Variants in BAIAP2 observed in about 807,000 individuals in gnomAD.
BAIAP2 encodes the protein BAR/IMD domain-containing adapter protein 2.
Under a neutral mutation model 63.0 loss-of-function variants are expected in BAIAP2, and 18 were observed. The ratio of observed to expected loss-of-function variants is 0.29; its 90% CI spans 0.20 to 0.42. The LOEUF (loss-of-function observed/expected upper bound fraction) is 0.42, where lower values mean the gene tolerates loss of function less well. Among genes scored for constraint, BAIAP2 ranks in the 10% least tolerant of loss-of-function variants. The pLI is 1.00. For missense variants in BAIAP2, 610 were observed against 734.3 expected (o/e 0.83, Z 1.96); for synonymous variants, 386 against 307.6 (o/e 1.25, Z -2.67).
intron 1 of BAIAP2, among the ~76,000 whole-genome samples, chr17:81,039,063 G>A (rs982526668): frequency 1.3e-5 from 2 of 152,254 alleles, no homozygotes; most frequent in Admixed American, 1.3e-4. Context: ...GCACCATCTT[G>A]CCGCAGGGTG....
intron 3 of BAIAP2, among the ~76,000 whole-genome samples, chr17:81,077,635 A>C (rs762612290): frequency 6.6e-6 from 1 of 152,004 alleles, no homozygotes; most frequent in Non-Finnish European, 1.5e-5. Context: ...AAAAGAGCCT[A>C]ATGCTGGGAG....
chr17:81,074,368 G>C (rs562556800), intron 3 of BAIAP2, among the ~76,000 whole-genome samples: 13 of 151,544 alleles, frequency 8.6e-5, no homozygotes, highest in African/African-American at 2.4e-4. Context: ...ATGTGTCACT[G>C]TGTGTGCGTG....
intron 13 of BAIAP2, chr17:81,110,811 G>T (rs968021643): frequency 1.4e-6 from 2 of 1,467,330 alleles, no homozygotes; most frequent in African/African-American, 2.8e-5. Context: ...AGTGCTCCAG[G>T]GTTCTAGGTC....
intron 13 of BAIAP2, among the ~76,000 whole-genome samples, chr17:81,111,667 T>A (rs1185106403): frequency 1.3e-5 from 2 of 152,314 alleles, no homozygotes; most frequent in African/African-American, 4.8e-5. Context: ...CGGGTCTGAG[T>A]CCATTTCCTC....
chr17:81,055,645 A>G (rs972501076), intron 2 of BAIAP2, among the ~76,000 whole-genome samples: 5 of 143,344 alleles, frequency 3.5e-5, no homozygotes, highest in African/African-American at 5.2e-5. Flanking sequence ...GGCTCCCTGC[A>G]AACTCTGCCT....
At chr17:81,036,296 T>C (rs780314757) in intron 1 of BAIAP2, among the ~76,000 whole-genome samples, 2 of 152,234 alleles carry the variant, frequency 1.3e-5, no homozygotes, top group East Asian at 1.9e-4. Flanking sequence ...ATGTGCTTTG[T>C]TTCAAAACTG....
Position 81,038,190 on chromosome 17 carries a change from C to T in BAIAP2, c.54+2882C>T, listed in dbSNP as rs113294961. On this transcript the variant is annotated intron_variant, in intron 1 of 13. Transcript: ENST00000428708. ...AGGGATGGAGTGCTGGAATCTGCCT[C>T]CCCCGGTGGCCTTTGGAATTAAGGC... Among the ~76,000 whole-genome samples, 896 of 152,358 alleles carry T rather than the reference C, an allele frequency of 5.9e-3. 4 individuals carry two copies. The highest frequency in any genetic ancestry group is 9.2e-3 in the Non-Finnish European group (625 of 68,036).
chr17:81,112,630 C>G (rs1055455623), intron 13 of BAIAP2, among the ~76,000 whole-genome samples: 1 of 152,208 alleles, frequency 6.6e-6, no homozygotes, highest in Non-Finnish European at 1.5e-5. Context: ...ACAGCTGACG[C>G]GAGAAGACAG....
chr17:81,051,722 C>G (rs12941406), intron 1 of BAIAP2, among the ~76,000 whole-genome samples: 1 of 152,078 alleles, frequency 6.6e-6, no homozygotes, highest in South Asian at 2.1e-4. Context: ...CAGGGTCTCA[C>G]TCTGTCACCC....
At chr17:81,049,655 G>C (rs2048359114) in intron 1 of BAIAP2, among the ~76,000 whole-genome samples, 1 of 152,222 alleles carries the variant, frequency 6.6e-6, no homozygotes, top group African/African-American at 2.4e-5. Context: ...AGCCACGTCG[G>C]TGTGGCTGAG....
chr17:81,087,178 G>A (rs2055815986), intron 6 of BAIAP2, among the ~76,000 whole-genome samples: 1 of 151,878 alleles, frequency 6.6e-6, no homozygotes, highest in African/African-American at 2.4e-5. Flanking sequence ...AGAAGAGAAA[G>A]AAACACAAAA....
At chr17:81,051,379 CT>C (rs570438379) in intron 1 of BAIAP2, among the ~76,000 whole-genome samples, 3 of 152,116 alleles carry the variant, frequency 2.0e-5, no homozygotes, top group South Asian at 4.1e-4. Flanking sequence ...GGGATCTTCT[CT>C]TTTGTTTGTT....
At chr17:81,111,063 T>C (rs976131754) in intron 13 of BAIAP2, 77 of 1,408,306 alleles carry the variant, frequency 5.5e-5, no homozygotes, top group Non-Finnish European at 7.4e-5. Flanking sequence ...CCCGGCTGCA[T>C]GGCGGGGCCA....
At chr17:81,109,969 C>T (rs2059707077) in intron 13 of BAIAP2, 4 of 985,470 alleles carry the variant, frequency 4.1e-6, no homozygotes, top group Non-Finnish European at 4.8e-6. Flanking sequence ...CAGGCGGTTC[C>T]TGCCCGGTTC....
Position 81,104,593 on chromosome 17 carries a change from C to T in BAIAP2, c.1146C>T (p.Ile382=). Residue 382 remains isoleucine (I), a synonymous_variant, in exon 10 of 14, where the codon ATC becomes ATT. Transcript: ENST00000428708. ...ATGGCCGTATGCGGGTGAAGGCCAT[C>T]TTCTCCCACGCTGCTGGGGACAACA... The part of the protein sequence containing the change: ...ERNGRMRVKA[I]FSHAAGDNST... 2 of 1,612,354 alleles carry T rather than the reference C, an allele frequency of 1.2e-6. No homozygotes were observed. Among genetic ancestry groups the T allele is most frequent in the East Asian group, 2.2e-5 (1 of 44,880 alleles).
chr17:81,106,596 G>A (rs893479493), intron 11 of BAIAP2, 149 bp from the exon 12 acceptor site: 1 of 885,944 alleles, frequency 1.1e-6, no homozygotes, highest in Non-Finnish European at 1.7e-6. Context: ...CCCGGCCCAT[G>A]GTCCCCAGGG....
At chr17:81,070,098 A>G (rs1379757355) in intron 3 of BAIAP2, among the ~76,000 whole-genome samples, 1 of 152,102 alleles carries the variant, frequency 6.6e-6, no homozygotes, top group Non-Finnish European at 1.5e-5. Context: ...AGCCAGGACT[A>G]CAGGTGTGTG....
At chr17:81,045,556 G>A (rs200053873) in intron 1 of BAIAP2, among the ~76,000 whole-genome samples, 11 of 151,086 alleles carry the variant, frequency 7.3e-5, no homozygotes, top group Non-Finnish European at 1.0e-4. Context: ...TCTGGGCACC[G>A]TGCCAAAGAC....
intron 2 of BAIAP2, among the ~76,000 whole-genome samples, chr17:81,055,725 C>T (rs2049433212): frequency 6.6e-6 from 1 of 151,948 alleles, no homozygotes; most frequent in African/African-American, 2.4e-5. Context: ...GCCACCACGC[C>T]CGGCTAATTT....
Sources: allele counts gnomAD v4.1 joint callset (sites outside exome capture counted in the v4.1 genomes callset), GRCh38; gene constraint gnomAD v4.1.1; transcripts MANE v1.5; gene names NCBI Gene and HGNC (gene_info 2026-07-23, HGNC 2026-07-21).